Variants in DGKB observed in about 807,000 individuals in gnomAD.
DGKB encodes the protein diacylglycerol kinase beta.
In DGKB, 67 loss-of-function variants were observed where a neutral mutation model predicts 114.3. That is an observed-to-expected ratio of 0.59 (90% CI 0.48 to 0.72). The LOEUF is 0.72. DGKB is among the 30% of genes least tolerant of loss of function. DGKB has a pLI of 0.00. For missense variants in DGKB, 907 were observed against 975.2 expected (o/e 0.93, Z 0.93); for synonymous variants, 398 against 323.1 (o/e 1.23, Z -2.49).
chr7:14,313,641 A>T (rs1346136734), intron 23 of DGKB, among the ~76,000 whole-genome samples: 1 of 152,126 alleles, frequency 6.6e-6, no homozygotes, highest in Non-Finnish European at 1.5e-5. Flanking sequence ...ACGCCCACGG[A>T]GTCTCGCTGA....
At chr7:14,850,399 T>C (rs1354730868) in intron 1 of DGKB, among the ~76,000 whole-genome samples, 2 of 152,174 alleles carry the variant, frequency 1.3e-5, no homozygotes, top group African/African-American at 4.8e-5. Context: ...AAGAGTTTAT[T>C]AGTGAGACTG....
chr7:14,786,793 G>C (rs568843942), intron 2 of DGKB, among the ~76,000 whole-genome samples: 10 of 152,358 alleles, frequency 6.6e-5, no homozygotes, highest in African/African-American at 2.4e-4. Context: ...AATGAGCACG[G>C]CAGGGAAGCC....
At chr7:14,882,309 G>T (rs1031332089) in intron 1 of DGKB, among the ~76,000 whole-genome samples, 9 of 152,162 alleles carry the variant, frequency 5.9e-5, no homozygotes, top group African/African-American at 1.9e-4. Context: ...CAGAGTCTTG[G>T]ATTTCACACA....
intron 13 of DGKB, among the ~76,000 whole-genome samples, chr7:14,650,156 T>C (rs1454423621): frequency 4.3e-5 from 6 of 139,338 alleles, no homozygotes; most frequent in Admixed American, 2.9e-4. Context: ...CTAATAGACA[T>C]CTACAGAACT....
intron 21 of DGKB, among the ~76,000 whole-genome samples, chr7:14,420,375 T>C (rs778362340): frequency 5.3e-5 from 8 of 152,092 alleles, no homozygotes; most frequent in Admixed American, 1.3e-4. Context: ...AAGAGGGTTT[T>C]CAGATTTCAA....
At chr7:14,192,316 A>C (rs552818952) in intron 23 of DGKB, among the ~76,000 whole-genome samples, 1 of 152,334 alleles carries the variant, frequency 6.6e-6, no homozygotes, top group African/African-American at 2.4e-5. Context: ...TCCATAGGAT[A>C]ATAGTGAACT....
intron 25 of DGKB, among the ~76,000 whole-genome samples, chr7:14,170,948 T>C (rs1780902789): frequency 6.6e-6 from 1 of 152,034 alleles, no homozygotes; most frequent in South Asian, 2.1e-4. Flanking sequence ...GGCAGTCAAG[T>C]CAGAAAATAG....
At chr7:14,393,091 G>A (rs1821656415) in intron 21 of DGKB, among the ~76,000 whole-genome samples, 1 of 147,566 alleles carries the variant, frequency 6.8e-6, no homozygotes, top group African/African-American at 2.5e-5. Context: ...TGGGGTTCAC[G>A]CCATTCTCCT....
At chr7:14,890,229 G>A (rs1019280204) in intron 1 of DGKB, among the ~76,000 whole-genome samples, 3 of 151,430 alleles carry the variant, frequency 2.0e-5, no homozygotes, top group Non-Finnish European at 3.0e-5. Context: ...TATAGCTTAC[G>A]TAAAATTACA....
At chr7:14,662,386 A>T (rs985589050) in intron 13 of DGKB, among the ~76,000 whole-genome samples, 6 of 151,938 alleles carry the variant, frequency 3.9e-5, no homozygotes, top group Non-Finnish European at 7.4e-5. Context: ...TATTTTCTTC[A>T]TTAGGAATGG....
At chr7:14,960,887 C>T (rs1201704312) in intron 1 of DGKB, among the ~76,000 whole-genome samples, 3 of 152,034 alleles carry the variant, frequency 2.0e-5, no homozygotes, top group Non-Finnish European at 4.4e-5. Context: ...CAAAGATAAG[C>T]CATTGGTAAA....
intron 23 of DGKB, among the ~76,000 whole-genome samples, chr7:14,229,118 T>C (rs1200749301): frequency 1.3e-5 from 2 of 152,036 alleles, no homozygotes; most frequent in African/African-American, 4.8e-5. Context: ...TACTTATATA[T>C]AAAATCCAGC....
chr7:14,712,317 A>T (rs982027919), intron 6 of DGKB, among the ~76,000 whole-genome samples: 2 of 152,200 alleles, frequency 1.3e-5, no homozygotes, highest in African/African-American at 4.8e-5. Flanking sequence ...AGAACAACTA[A>T]AATAAAGGGT....
At chr7:14,912,506 A>C (rs776684038) in intron 1 of DGKB, among the ~76,000 whole-genome samples, 13 of 152,174 alleles carry the variant, frequency 8.5e-5, no homozygotes, top group Non-Finnish European at 1.8e-4. Context: ...GCGCTGGAAC[A>C]AAATGAGACA....
rs555085007 is a variant in DGKB at position 14,544,040 on chromosome 7, G to A, written c.1770+30172C>T. On this transcript the variant is annotated intron_variant, in intron 20 of 25. Transcript: ENST00000402815. ...CTATTAGTATATGATTTTTATTTCC[G>A]TAGAATTAAGGGATTATTTCTGAGA... Among the ~76,000 whole-genome samples the A allele has an allele frequency of 1.6e-4, 25 of 152,014 alleles. No individual in the cohort carries two copies. The South Asian group carries it at 3.9e-3, about 24-fold the overall frequency.
intron 21 of DGKB, among the ~76,000 whole-genome samples, chr7:14,383,974 C>G (rs1324850768): frequency 1.3e-5 from 2 of 152,110 alleles, no homozygotes; most frequent in Admixed American, 6.5e-5. Flanking sequence ...TTATGAGGAC[C>G]AAGATTGACC....
At chr7:14,240,999 T>G (rs754549491) in intron 23 of DGKB, among the ~76,000 whole-genome samples, 4 of 152,134 alleles carry the variant, frequency 2.6e-5, no homozygotes, top group African/African-American at 4.8e-5. Flanking sequence ...TCTGTCCTTT[T>G]GTTGACTCTC....
intron 21 of DGKB, among the ~76,000 whole-genome samples, chr7:14,458,810 T>C (rs1471366342): frequency 6.6e-6 from 1 of 152,150 alleles, no homozygotes; most frequent in African/African-American, 2.4e-5. Context: ...CTGCAGGATT[T>C]GTTTTCATAC....
At chr7:14,533,136 A>T (rs986727119) in intron 20 of DGKB, among the ~76,000 whole-genome samples, 4 of 151,840 alleles carry the variant, frequency 2.6e-5, no homozygotes, top group Non-Finnish European at 5.9e-5. Context: ...TAAACAACTG[A>T]CTATAAACAG....
Sources: allele counts gnomAD v4.1 joint callset (sites outside exome capture counted in the v4.1 genomes callset), GRCh38; gene constraint gnomAD v4.1.1; transcripts MANE v1.5; gene names NCBI Gene and HGNC (gene_info 2026-07-23, HGNC 2026-07-21).